PCNX1: variants seen among roughly 807,000 people sequenced by gnomAD.
The protein encoded by PCNX1 is pecanex 1, also known as pecanex-like protein 1.
PCNX1 carries 78 observed loss-of-function variants against 242.2 expected under a neutral mutation model. The observed-to-expected ratio is 0.32, with a 90% CI of 0.27 to 0.39. The LOEUF is 0.39. Ranked by LOEUF, PCNX1 falls within the 10% of genes least tolerant of loss-of-function variation. The probability of loss-of-function intolerance (pLI) is 1.00; values close to 1 mark genes in which losing one functional copy is unlikely to be tolerated. For synonymous variants in PCNX1, 1,024 were observed against 1,032.9 expected, an observed-to-expected ratio of 0.99 and a Z score of 0.17; for missense variants, 2,581 against 2,856.5, an observed-to-expected ratio of 0.90 and a Z score of 2.20.
chr14:70,950,608 C>CTTT (rs930071923), intron 2 of PCNX1, among the ~76,000 whole-genome samples: 13 of 151,552 alleles, frequency 8.6e-5, no homozygotes, highest in African/African-American at 3.1e-4. Flanking sequence ...TCAGCTGCCT[C>CTTT]TTTTTTTTGC....
chr14:71,038,746 C>T (rs2060619824), intron 19 of PCNX1, among the ~76,000 whole-genome samples: 1 of 152,086 alleles, frequency 6.6e-6, no homozygotes, highest in African/African-American at 2.4e-5. Flanking sequence ...GACTATAAAT[C>T]ATGCTGCTAT....
At chr14:70,945,573 CTTTTCT>C (rs1220261952) in intron 1 of PCNX1, among the ~76,000 whole-genome samples, 1 of 92,680 alleles carries the variant, frequency 1.1e-5, no homozygotes, top group Non-Finnish European at 2.5e-5. Flanking sequence ...CTCTCAAAAA[CTTTTCT>C]TTTTTTTTTA....
intron 12 of PCNX1, 67 bp downstream of exon 12, chr14:71,019,229 C>G: frequency 8.2e-7 from 1 of 1,217,706 alleles, no homozygotes; most frequent in Non-Finnish European, 1.2e-6. Flanking sequence ...GATTTTGTAG[C>G]AATTACTGAA....
chr14:71,089,395 C>T, intron 30 of PCNX1, 53 bp downstream of exon 30: 1 of 1,328,892 alleles, frequency 7.5e-7, no homozygotes, highest in Non-Finnish European at 1.1e-6. Context: ...GATCCTTCTT[C>T]ACATGATTTC....
At chr14:70,993,412 G>A (rs1190706399) in intron 7 of PCNX1, among the ~76,000 whole-genome samples, 3 of 152,084 alleles carry the variant, frequency 2.0e-5, no homozygotes, top group Admixed American at 1.3e-4. Context: ...ACAGGTGTGA[G>A]CCACCGTGCC....
intron 11 of PCNX1, among the ~76,000 whole-genome samples, chr14:71,016,447 A>G (rs1052180577): frequency 6.6e-5 from 10 of 152,178 alleles, no homozygotes; most frequent in Non-Finnish European, 1.2e-4. Flanking sequence ...GAGAATATAC[A>G]TTTTTCTAAG....
intron 21 of PCNX1, among the ~76,000 whole-genome samples, 182 bp from the exon 22 acceptor site, chr14:71,047,625 A>G (rs79396086): frequency 0.014 from 2,164 of 152,300 alleles, 24 homozygotes; most frequent in Middle Eastern, 0.034. Flanking sequence ...GAATAGTATT[A>G]AAAGGGAATA....
In PCNX1 at chr14:71,108,845, C is replaced by T. The variant is rs369821499; in HGVS notation, c.6543C>T (p.Ser2181=). 63 of 1,614,246 alleles carry T rather than the reference C, an allele frequency of 3.9e-5. No individual in the cohort carries two copies. Among genetic ancestry groups the T allele is most frequent in the Non-Finnish European group, 5.0e-5 (59 of 1,180,054 alleles). ...ACCAAATGGAACCCTCAGGTCAGAG[C>T]GGCCTGGCCTGTGTGCAGCACGGCC... ...MVNQMEPSGQ[S]GLACVQHGLP... is the part of the protein sequence containing the mutation. The change falls in exon 34 of 36, where the codon AGC becomes AGT. Residue 2181 remains serine, a synonymous_variant. Transcript: ENST00000304743.
intron 10 of PCNX1, 61 bp from the exon 11 acceptor site, chr14:71,012,924 A>G (rs1187242890): frequency 2.8e-6 from 3 of 1,056,148 alleles, no homozygotes; most frequent in Non-Finnish European, 4.4e-6. Flanking sequence ...TTTATTTTGA[A>G]TAAACATATT....
chr14:70,985,832 C>A (rs2058985091), intron 6 of PCNX1, among the ~76,000 whole-genome samples: 1 of 152,092 alleles, frequency 6.6e-6, no homozygotes, highest in Non-Finnish European at 1.5e-5. Flanking sequence ...TAAGCAGTGT[C>A]AAAATGTCAA....
intron 2 of PCNX1, among the ~76,000 whole-genome samples, chr14:70,955,860 GT>G (rs1032857124): frequency 9.2e-4 from 134 of 146,252 alleles, no homozygotes; most frequent in African/African-American, 2.6e-3. Flanking sequence ...TTACTAGAGG[GT>G]TTTTTTTTTT....
chr14:70,959,386 C>A (rs1489687505), intron 2 of PCNX1, among the ~76,000 whole-genome samples: 2 of 108,102 alleles, frequency 1.9e-5, no homozygotes, highest in East Asian at 3.4e-4. Context: ...CCCCTCCCCC[C>A]ACCCCACAAC....
In PCNX1 at chr14:71,109,877, A is replaced by T. The variant is rs1008776154; in HGVS notation, c.6968A>T (p.Asp2323Val). 6 of 1,613,200 alleles carry T rather than the reference A, an allele frequency of 3.7e-6. No individual in the cohort carries two copies. Among genetic ancestry groups the T allele is most frequent in the Non-Finnish European group, 5.1e-6 (6 of 1,179,200 alleles). Residue 2323 changes from aspartate (D) to valine (V), a missense_variant, in exon 36 of 36, where the codon GAT (aspartate) becomes GTT (valine). Asp to Val is a radical substitution (Grantham distance 152, BLOSUM62 -3). Coordinates refer to ENST00000304743, the MANE Select transcript of PCNX1 (RefSeq NM_014982.3). ...AAGGCAGTGCTTCTGGTCCAGATTG[A>T]TGATAAATATGTGACTGTAATTGAA... ...IDKAVLLVQI[D>V]DKYVTVIETG...
chr14:70,973,444 T>C (rs1336027233), intron 5 of PCNX1, among the ~76,000 whole-genome samples: 1 of 151,984 alleles, frequency 6.6e-6, no homozygotes, highest in African/African-American at 2.4e-5. Context: ...TCAGGTGACA[T>C]GCAGACTGAG....
chr14:71,012,837 A>G (rs990733334), intron 10 of PCNX1, 148 bp from the exon 11 acceptor site: 4 of 605,412 alleles, frequency 6.6e-6, no homozygotes, highest in Non-Finnish European at 1.1e-5. Context: ...AAAAAAAAAA[A>G]AGTGTATGAG....
intron 23 of PCNX1, 35 bp downstream of exon 23, chr14:71,050,795 A>T (rs767604597): frequency 6.3e-7 from 1 of 1,583,938 alleles, no homozygotes; most frequent in Non-Finnish European, 8.6e-7. Flanking sequence ...AAGAATGGAC[A>T]GTCATATCCT....
Position 71,115,240 on chromosome 14 carries a change from G to GTGTT in PCNX1, c.*5306_*5309dup, listed in dbSNP as rs1343692767. The GTGTT allele has an allele frequency of 6.5e-6, 1 of 152,722 alleles. No homozygotes were observed. Among genetic ancestry groups the GTGTT allele is most frequent in the East Asian group, 1.9e-4 (1 of 5,188 alleles). The allele number at this position is 152,722 out of a possible 1,614,324, so 9.5% of individuals were successfully genotyped here. A position where few individuals can be genotyped will look rare whatever the true frequency, so the allele number is the denominator to read the frequency against. ...TGTCTGTGAGTGTGTGTGTGTCTGA[G>GTGTT]TGTTATTCTGAACAGCTTGTAAATA... On this transcript the variant is annotated 3_prime_UTR_variant, in exon 36 of 36. Coordinates refer to ENST00000304743, the MANE Select transcript of PCNX1 (RefSeq NM_014982.3).
chr14:70,948,721 G>A (rs1407415364), intron 2 of PCNX1, among the ~76,000 whole-genome samples: 2 of 139,750 alleles, frequency 1.4e-5, no homozygotes, highest in Non-Finnish European at 1.6e-5. Flanking sequence ...ACACATAAGT[G>A]TATATACATA....
Position 70,977,443 on chromosome 14 carries a change from A to G in PCNX1, c.1106A>G (p.Asp369Gly). The G allele has an allele frequency of 6.2e-7, 1 of 1,614,080 alleles. No homozygotes were observed. The highest frequency in any genetic ancestry group is 1.1e-5 in the South Asian group (1 of 91,080). ...CCTTTGAAAGCAGAGAAAAGCATGGACAGCTTGAGGAGCCTGAGCACACGG... is the reference window on the plus strand; with the variant it reads ...CCTTTGAAAGCAGAGAAAAGCATGGGCAGCTTGAGGAGCCTGAGCACACGG... ...SKPLKAEKSM[D>G]SLRSLSTRSS... is the part of the protein sequence containing the mutation. Residue 369 changes from aspartate (D) to glycine (G), a missense_variant, in exon 6 of 36, where the codon GAC becomes GGC. This residue lies in a region of PCNX1 where 1,204 missense variants were observed against 1,216.7 expected (regional missense o/e 0.99). Transcript: ENST00000304743.
Sources: allele counts gnomAD v4.1 joint callset (sites outside exome capture counted in the v4.1 genomes callset), GRCh38; gene constraint gnomAD v4.1.1; regional missense constraint gnomAD v4.1.1; transcripts MANE v1.5; gene names NCBI Gene and HGNC (gene_info 2026-07-23, HGNC 2026-07-21).